Variants in HEATR5B observed in about 807,000 individuals in gnomAD.
HEATR5B encodes HEAT repeat-containing protein 5B.
In HEATR5B, 156 loss-of-function variants were observed where a neutral mutation model predicts 224.1. The ratio of observed to expected loss-of-function variants is 0.70; its 90% CI spans 0.61 to 0.80. The LOEUF is 0.80. Ranked by LOEUF, HEATR5B falls within the 30% of genes least tolerant of loss-of-function variation. The probability of loss-of-function intolerance (pLI) is 0.00; values close to 1 mark genes in which losing one functional copy is unlikely to be tolerated. For missense variants in HEATR5B, 2,323 were observed against 2,535.5 expected (o/e 0.92, Z 1.80); for synonymous variants, 1,027 against 893.0 (o/e 1.15, Z -2.68).
At position 37,007,337 on chromosome 2, in the gene HEATR5B, CTTTTTTTTTT is replaced by C. The variant is rs3080796; in HGVS notation, c.4523-43_4523-34del. The C allele has an allele frequency of 4.4e-3, 5,127 of 1,176,164 alleles. 115 individuals are homozygous for C. In the African/African-American group the frequency reaches 0.099, roughly 23 times the overall value. The allele number at this position is 1,176,164 out of a possible 1,614,324, so 72.9% of individuals were successfully genotyped here. On this transcript the variant is annotated intron_variant, in intron 28 of 35. Transcript: ENST00000233099. ...GCAATCAAATCAATTAAAAACATTACTTTTTTTTTTTTTTTTTTTTTTTTGAGACCAAGTC... is the reference window on the plus strand; with the variant it reads ...GCAATCAAATCAATTAAAAACATTACTTTTTTTTTTTTTTGAGACCAAGTC...
At chr2:36,989,899 CTTTTTTTT>C (rs766148486) in intron 34 of HEATR5B, among the ~76,000 whole-genome samples, 2 of 88,904 alleles carry the variant, frequency 2.2e-5, no homozygotes, top group African/African-American at 4.8e-5. Context: ...AGAATGTTTC[CTTTTTTTT>C]TTTTTTTTTT....
At chr2:37,023,539 C>T (rs565702685) in intron 24 of HEATR5B, among the ~76,000 whole-genome samples, 83 of 152,224 alleles carry the variant, frequency 5.5e-4, no homozygotes, top group African/African-American at 1.7e-3. Context: ...GAGGCCAAGG[C>T]GGGCAGATCA....
chr2:37,019,728 T>C (rs1012759835), intron 26 of HEATR5B, 81 bp downstream of exon 26: 12 of 1,044,326 alleles, frequency 1.1e-5, no homozygotes, highest in Non-Finnish European at 1.7e-5. Context: ...AATTTTTCTC[T>C]ATTCCTTTAC....
At chr2:37,056,360 T>C in intron 16 of HEATR5B, 80 bp downstream of exon 16, 2 of 952,376 alleles carry the variant, frequency 2.1e-6, no homozygotes, top group Non-Finnish European at 3.0e-6. Flanking sequence ...TATTGCAGAG[T>C]TAACTGGGAT....
chr2:37,051,227 G>A lies in HEATR5B; in HGVS notation c.2506-1384C>T, dbSNP rs149183334. Among the ~76,000 whole-genome samples the A allele has an allele frequency of 2.0e-3, 295 of 151,188 alleles. 1 individual carries two copies. The highest frequency in any genetic ancestry group is 8.8e-3 in the South Asian group (42 of 4,796). Reference sequence around the variant, plus strand: ...AAAAATTAGCTGGGCATGATGGCGCGTGCCTATAATCTCAGCTACTCGGGA... The same window carrying A: ...AAAAATTAGCTGGGCATGATGGCGCATGCCTATAATCTCAGCTACTCGGGA... On this transcript the variant is annotated intron_variant, in intron 17 of 35. Coordinates refer to ENST00000233099, the MANE Select transcript of HEATR5B (RefSeq NM_019024.3).
At chr2:37,060,260 G>T (rs548567109) in intron 12 of HEATR5B, among the ~76,000 whole-genome samples, 1 of 152,196 alleles carries the variant, frequency 6.6e-6, no homozygotes, top group Admixed American at 6.5e-5. Context: ...TAGCTGTTGG[G>T]TATTTTTTCT....
rs1238592643 is a variant in HEATR5B, at chr2:37,061,985, C to T, written c.1650G>A (p.Gln550=). The change falls in exon 11 of 36, where the codon CAG becomes CAA. Residue 550 remains glutamine, a synonymous_variant. Coordinates refer to ENST00000233099, the MANE Select transcript of HEATR5B (RefSeq NM_019024.3). ...GTAAAAGCCAGCCAGCTTGGGTGCGCTGTAAAGATAGCCTGCTATTTTGGG... is the reference window on the plus strand; with the variant it reads ...GTAAAAGCCAGCCAGCTTGGGTGCGTTGTAAAGATAGCCTGCTATTTTGGG... ...TAAQNSRLSL[Q]RTQAGWLLLG... is the part of the protein sequence containing the mutation. 1.1e-5 allele frequency: 17 copies of T among 1,613,798 alleles called. No individual in the cohort carries two copies. The African/African-American group carries it at 1.3e-4, about 13-fold the overall frequency.
At chr2:37,019,761 T>C (rs1668352230) in intron 26 of HEATR5B, 48 bp downstream of exon 26, 1 of 1,267,836 alleles carries the variant, frequency 7.9e-7, no homozygotes, top group African/African-American at 1.5e-5. Flanking sequence ...CTAAGATATC[T>C]ATGAATGTAT....
intron 18 of HEATR5B, among the ~76,000 whole-genome samples, chr2:37,047,858 C>T (rs1258655727): frequency 6.6e-6 from 1 of 152,064 alleles, no homozygotes; most frequent in East Asian, 1.9e-4. Context: ...AAAATACAGC[C>T]AGATTCTGCC....
At chr2:37,068,986 A>C (rs1671751830) in intron 7 of HEATR5B, 56 bp from the exon 8 acceptor site, 2 of 1,531,138 alleles carry the variant, frequency 1.3e-6, no homozygotes, top group South Asian at 1.2e-5. Flanking sequence ...AACAGAAATC[A>C]AAGATAAAGC....
chr2:37,029,692 G>C (rs562201741), intron 22 of HEATR5B, among the ~76,000 whole-genome samples: 1 of 151,802 alleles, frequency 6.6e-6, no homozygotes, highest in South Asian at 2.1e-4. Context: ...TGTAATCCCA[G>C]CACATTGGGG....
intron 18 of HEATR5B, among the ~76,000 whole-genome samples, chr2:37,041,970 T>G (rs188457691): frequency 1.3e-5 from 2 of 152,098 alleles, no homozygotes; most frequent in Admixed American, 6.5e-5. Flanking sequence ...CAGTATTACA[T>G]AAAATATTTT....
rs190695527 is a variant in HEATR5B at position 37,014,914 on chromosome 2, T to G, written c.4105-894A>C. ...AGGAGAATCGCTAGGGAGCCAGAGG[T>G]TGCAGTGAGCCGAGATCGCACCACT... is the stretch of plus-strand genomic sequence containing the variant. On this transcript the variant is annotated intron_variant, in intron 26 of 35. Transcript: ENST00000233099. Among the ~76,000 whole-genome samples the G allele has an allele frequency of 2.4e-3, 359 of 151,764 alleles. 4 individuals are homozygous for G. The highest frequency in any genetic ancestry group is 8.5e-3 in the African/African-American group (350 of 41,400).
At chr2:37,083,754 A>G (rs375713019) in intron 1 of HEATR5B, among the ~76,000 whole-genome samples, 30 of 152,168 alleles carry the variant, frequency 2.0e-4, no homozygotes, top group African/African-American at 7.0e-4. Flanking sequence ...AAATGAAAAA[A>G]CTGAAGCACT....
chr2:37,076,433 G>T (rs1672235885), intron 4 of HEATR5B, among the ~76,000 whole-genome samples: 1 of 152,142 alleles, frequency 6.6e-6, no homozygotes, highest in Non-Finnish European at 1.5e-5. Context: ...ACAAGCCAGG[G>T]AAGATCAAAG....
Position 37,009,256 on chromosome 2 carries a change from CAAAAAAAAAAAA to C in HEATR5B, c.4285-420_4285-409del, listed in dbSNP as rs57022846. Among the ~76,000 whole-genome samples, 26 of 65,670 alleles carry C rather than the reference CAAAAAAAAAAAA, an allele frequency of 4.0e-4. No homozygotes were observed. The East Asian group carries it at 8.7e-3, about 22-fold the overall frequency. The allele number at this position is 65,670 out of a possible 152,430, so 43.1% of individuals were successfully genotyped here. On this transcript the variant is annotated intron_variant, in intron 27 of 35. Coordinates refer to ENST00000233099, the MANE Select transcript of HEATR5B (RefSeq NM_019024.3). ...CTGGTGACAAAGTGAGACTCTGTCT[CAAAAAAAAAAAA>C]AAAAAAAAAAAAGAAGAAAGTATAT...
chr2:37,041,644 G>T (rs1379104787), intron 18 of HEATR5B, among the ~76,000 whole-genome samples: 1 of 152,228 alleles, frequency 6.6e-6, no homozygotes, highest in Middle Eastern at 3.4e-3. Context: ...TAGTAGGGAG[G>T]CTGAAGTGAG....
chr2:37,022,560 G>GT (rs1489393375), intron 24 of HEATR5B, among the ~76,000 whole-genome samples: 1 of 152,224 alleles, frequency 6.6e-6, no homozygotes, highest in African/African-American at 2.4e-5. Context: ...AGAGAAATGA[G>GT]TGTGCTGTGC....
intron 26 of HEATR5B, among the ~76,000 whole-genome samples, chr2:37,016,874 G>T (rs537701452): frequency 6.3e-4 from 96 of 152,132 alleles, no homozygotes; most frequent in South Asian, 2.7e-3. Context: ...CAATTAAGGA[G>T]ATACTGATGG....
Sources: allele counts gnomAD v4.1 joint callset (sites outside exome capture counted in the v4.1 genomes callset), GRCh38; gene constraint gnomAD v4.1.1; transcripts MANE v1.5; gene names NCBI Gene and HGNC (gene_info 2026-07-23, HGNC 2026-07-21).